EPHB1: variants seen among roughly 807,000 people sequenced by gnomAD.
EPHB1 encodes the protein EPH receptor B1, also known as ephrin type-B receptor 1.
In EPHB1, 30 loss-of-function variants were observed where a neutral mutation model predicts 94.4. That is an observed-to-expected ratio of 0.32 (90% CI 0.24 to 0.43). The LOEUF is 0.43. Ranked by LOEUF, EPHB1 falls within the 20% of genes least tolerant of loss-of-function variation. EPHB1 has a pLI of 1.00. For missense variants in EPHB1, 1,055 were observed against 1,308.3 expected, an observed-to-expected ratio of 0.81 and a Z score of 2.99; for synonymous variants, 522 against 489.1, an observed-to-expected ratio of 1.07 and a Z score of -0.89.
intron 1 of EPHB1, among the ~76,000 whole-genome samples, chr3:134,890,549 G>T (rs538202345): frequency 1.3e-5 from 2 of 152,318 alleles, no homozygotes; most frequent in East Asian, 3.9e-4. Context: ...GCTGGGAATG[G>T]AATTGCTTGT....
At chr3:135,212,673 C>T (rs1174219960) in intron 12 of EPHB1, among the ~76,000 whole-genome samples, 1 of 152,194 alleles carries the variant, frequency 6.6e-6, no homozygotes, top group Non-Finnish European at 1.5e-5. Flanking sequence ...GTGCTGAATT[C>T]GTTCCCTTGG....
intron 3 of EPHB1, among the ~76,000 whole-genome samples, chr3:135,043,351 T>G (rs991704984): frequency 6.6e-6 from 1 of 152,052 alleles, no homozygotes; most frequent in African/African-American, 2.4e-5. Context: ...TAATCTTCTA[T>G]CTGTTAGAAA....
At chr3:135,067,669 C>G (rs1355368702) in intron 3 of EPHB1, 1 of 152,230 alleles carries the variant, frequency 6.6e-6, no homozygotes, top group Non-Finnish European at 1.5e-5. Flanking sequence ...GTCTGCATGC[C>G]AGATTCGCAC....
intron 1 of EPHB1, chr3:134,852,664 G>GGGGTGT (rs1553857489): frequency 1.3e-4 from 20 of 149,524 alleles, no homozygotes; most frequent in African/African-American, 4.9e-4. Context: ...GTAAATGTGG[G>GGGGTGT]GTGTGTGTGT....
chr3:135,161,390 G>A (rs990146096), intron 6 of EPHB1, among the ~76,000 whole-genome samples: 1 of 152,150 alleles, frequency 6.6e-6, no homozygotes, highest in African/African-American at 2.4e-5. Flanking sequence ...AGTAGCTGGG[G>A]GATGCACTCT....
At chr3:135,234,008 G>A (rs1232259050) in intron 12 of EPHB1, among the ~76,000 whole-genome samples, 1 of 152,188 alleles carries the variant, frequency 6.6e-6, no homozygotes, top group Non-Finnish European at 1.5e-5. Flanking sequence ...TCTGTGATGG[G>A]AGGGACTGTG....
intron 1 of EPHB1, among the ~76,000 whole-genome samples, chr3:134,883,779 A>T (rs2037808405): frequency 6.6e-6 from 1 of 152,172 alleles, no homozygotes; most frequent in African/African-American, 2.4e-5. Context: ...GAGGCTCTGT[A>T]GCAGTTCCCA....
chr3:134,804,069 CTA>C (rs1560240144), intron 1 of EPHB1, among the ~76,000 whole-genome samples: 32 of 51,830 alleles, frequency 6.2e-4, no homozygotes, highest in South Asian at 5.6e-3. Context: ...TCATTATTGG[CTA>C]TTTTTTTTTT....
At chr3:135,060,186 C>A (rs1272768620) in intron 3 of EPHB1, among the ~76,000 whole-genome samples, 3 of 152,220 alleles carry the variant, frequency 2.0e-5, no homozygotes, top group Non-Finnish European at 4.4e-5. Context: ...CACGACATTT[C>A]CAGCTCCCCT....
chr3:135,144,769 C>CTCTTTTT (rs1940953729), intron 5 of EPHB1, among the ~76,000 whole-genome samples: 1 of 152,130 alleles, frequency 6.6e-6, no homozygotes, highest in Non-Finnish European at 1.5e-5. Context: ...ATGAAGCCCT[C>CTCTTTTT]ACTTTTTATC....
intron 12 of EPHB1, among the ~76,000 whole-genome samples, chr3:135,235,887 C>A (rs1233913019): frequency 1.3e-5 from 2 of 152,072 alleles, no homozygotes; most frequent in African/African-American, 4.8e-5. Context: ...GTTAGAGGGG[C>A]CCTGTGGTTA....
At chr3:135,056,385 G>A (rs1331294705) in intron 3 of EPHB1, among the ~76,000 whole-genome samples, 6 of 152,208 alleles carry the variant, frequency 3.9e-5, no homozygotes, top group African/African-American at 9.6e-5. Flanking sequence ...CAGAGCAGCC[G>A]TGCTGGGCTC....
intron 1 of EPHB1, among the ~76,000 whole-genome samples, chr3:134,844,198 G>A (rs1314435863): frequency 6.6e-6 from 1 of 152,214 alleles, no homozygotes; most frequent in African/African-American, 2.4e-5. Context: ...TTAGAGGTCT[G>A]TGTGGGTTAA....
At chr3:135,235,792 G>C (rs1348149655) in intron 12 of EPHB1, among the ~76,000 whole-genome samples, 1 of 152,170 alleles carries the variant, frequency 6.6e-6, no homozygotes, top group Admixed American at 6.5e-5. Context: ...AGTGAGGATA[G>C]AATTCTCCCT....
chr3:134,802,289 C>CA (rs1416443559), intron 1 of EPHB1, among the ~76,000 whole-genome samples: 1 of 146,864 alleles, frequency 6.8e-6, no homozygotes, highest in Non-Finnish European at 1.5e-5. Flanking sequence ...AACAAAAAAA[C>CA]AAAAAAATAC....
At chr3:135,170,041 T>A (rs1052953524) in intron 9 of EPHB1, among the ~76,000 whole-genome samples, 1 of 152,202 alleles carries the variant, frequency 6.6e-6, no homozygotes, top group Admixed American at 6.5e-5. Flanking sequence ...CATGAACTTC[T>A]GGGGGTTGCA....
rs1553852687 is a variant in EPHB1 at position 134,807,524 on chromosome 3, T to TGCGC, written c.58+11837_58+11838insGCGC. On this transcript the variant is annotated intron_variant, in intron 1 of 15. Transcript: ENST00000398015. ...GTGTGTGTGTGTGTGTGTGTGTGTG[T>TGCGC]GCACGTGTGTGTGTGTGAGAGAGAG... Among the ~76,000 whole-genome samples, 49 of 130,398 alleles carry TGCGC rather than the reference T, an allele frequency of 3.8e-4. 1 individual carries two copies. Among genetic ancestry groups the TGCGC allele is most frequent in the Non-Finnish European group, 6.2e-4 (38 of 61,734 alleles). The allele number at this position is 130,398 out of a possible 152,430, so 85.5% of individuals were successfully genotyped here.
At chr3:134,865,264 A>G (rs917440212) in intron 1 of EPHB1, among the ~76,000 whole-genome samples, 5 of 152,202 alleles carry the variant, frequency 3.3e-5, no homozygotes, top group African/African-American at 1.2e-4. Context: ...GAAAATACTA[A>G]TTGCAACCCA....
chr3:135,252,463 G>GTGTT (rs1323918732), intron 15 of EPHB1, among the ~76,000 whole-genome samples: 487 of 146,942 alleles, frequency 3.3e-3, no homozygotes, highest in African/African-American at 0.011. Flanking sequence ...AGAATATGCG[G>GTGTT]TGTTTGGTTT....
Sources: gnomAD v4.1 joint callset for allele counts (sites outside exome capture counted in the v4.1 genomes callset) on GRCh38, gnomAD v4.1.1 for gene constraint, MANE v1.5 for transcripts, NCBI Gene and HGNC (gene_info 2026-07-23, HGNC 2026-07-21) for gene names.